MYMX: variants seen among roughly 807,000 people sequenced by gnomAD.
MYMX encodes myomixer, myoblast fusion factor.
the MYMX span, among the ~76,000 whole-genome samples, chr6:44,194,072 A>G: frequency 6.6e-6 from 1 of 152,206 alleles, no homozygotes; most frequent in Non-Finnish European, 1.5e-5. Context: ...CAGCTCTTTA[A>G]AAAGAACTAT....
chr6:44,205,486 CTA>C, the MYMX span, among the ~76,000 whole-genome samples: 1 of 151,368 alleles, frequency 6.6e-6, no homozygotes, highest in African/African-American at 2.4e-5. Flanking sequence ...TGGAAAAACC[CTA>C]TCTCTACCAA....
In MYMX at chr6:44,217,734, A is replaced by G. The variant is rs1775960770; in HGVS notation, c.*8A>G. On this transcript the variant is annotated 3_prime_UTR_variant, in exon 2 of 2. Transcript: ENST00000573382. ...TTAGGCCCCCAAAAGTGAGGCCACA[A>G]GTCCTGGCAGCAGCTGTATCCACAA... 3 of 401,032 alleles carry G rather than the reference A, an allele frequency of 7.5e-6. No individual in the cohort carries two copies. Among genetic ancestry groups the G allele is most frequent in the Non-Finnish European group, 1.3e-5 (3 of 226,404 alleles). The allele number at this position is 401,032 out of a possible 1,614,324, so 24.8% of individuals were successfully genotyped here. A position where few individuals can be genotyped will look rare whatever the true frequency, so the allele number is the denominator to read the frequency against.
At position 44,217,491 on chromosome 6, in the gene MYMX, C is replaced by T. The variant is rs1299760290; in HGVS notation, c.20C>T (p.Pro7Leu). The T allele has an allele frequency of 1.0e-4, 41 of 404,336 alleles. No homozygotes were observed. Among genetic ancestry groups the T allele is most frequent in the Admixed American group, 1.8e-4 (4 of 22,762 alleles). 25.0% of individuals were successfully genotyped at this position (404,336 alleles called of 1,614,324 possible). Residue 7 changes from proline (P) to leucine (L), a missense_variant, in exon 2 of 2, where the codon CCG becomes CTG. By Grantham distance (98) the Pro-to-Leu change is moderately conservative. Coordinates refer to ENST00000573382, the MANE Select transcript of MYMX (RefSeq NM_001315494.2). MPTPLL[P>L]LLLRLLLSCL... ...CCTGCCATGCCCACGCCACTGCTCC[C>T]GCTGCTGCTTCGATTGCTGCTGTCC... is the stretch of plus-strand genomic sequence containing the variant.
the MYMX span, among the ~76,000 whole-genome samples, chr6:44,206,007 A>C: frequency 1.4e-5 from 2 of 143,692 alleles, no homozygotes; most frequent in East Asian, 2.0e-4. Flanking sequence ...ACAAAAAAAA[A>C]CCTCATTTTT....
the MYMX span, among the ~76,000 whole-genome samples, chr6:44,200,863 T>TG: frequency 4.0e-5 from 6 of 151,034 alleles, no homozygotes; most frequent in Admixed American, 4.0e-4. Flanking sequence ...GAGTGGGGGG[T>TG]GGGGGGCAGT....
chr6:44,217,253 T>G (rs1775929304), intron 1 of MYMX, among the ~76,000 whole-genome samples, 197 bp from the exon 2 acceptor site: 2 of 152,006 alleles, frequency 1.3e-5, no homozygotes. Context: ...TCCCCATCTG[T>G]GCTATGGTGA....
the MYMX span, among the ~76,000 whole-genome samples, chr6:44,198,518 T>G: frequency 6.6e-6 from 1 of 151,530 alleles, no homozygotes; most frequent in Non-Finnish European, 1.5e-5. Flanking sequence ...TATTTACTTA[T>G]TTATTTTTTT....
chr6:44,194,587 C>G, the MYMX span, among the ~76,000 whole-genome samples: 22 of 152,332 alleles, frequency 1.4e-4, no homozygotes, highest in South Asian at 2.1e-3. Flanking sequence ...AAAGAGCCAA[C>G]TCCTGCCTAC....
the MYMX span, among the ~76,000 whole-genome samples, chr6:44,202,577 C>T: frequency 3.9e-5 from 6 of 152,162 alleles, no homozygotes; most frequent in Non-Finnish European, 8.8e-5. Context: ...GAAACTGCTC[C>T]CTGGCGGCTT....
At chr6:44,194,874 CAT>C in the MYMX span, among the ~76,000 whole-genome samples, 67 of 152,152 alleles carry the variant, frequency 4.4e-4, no homozygotes, top group African/African-American at 1.5e-3. Flanking sequence ...TGTTTCACAC[CAT>C]GTTACATAGA....
At chr6:44,202,885 C>G in the MYMX span, among the ~76,000 whole-genome samples, 13 of 152,334 alleles carry the variant, frequency 8.5e-5, no homozygotes, top group South Asian at 2.7e-3. Flanking sequence ...TTTCCTTTAC[C>G]TGCCTCATCA....
chr6:44,198,410 C>G, the MYMX span, among the ~76,000 whole-genome samples: 1 of 151,992 alleles, frequency 6.6e-6, no homozygotes, highest in African/African-American at 2.4e-5. Flanking sequence ...CGTGATCTAC[C>G]CGCCTCGGCC....
the MYMX span, among the ~76,000 whole-genome samples, chr6:44,194,844 C>T: frequency 1.3e-5 from 2 of 152,140 alleles, no homozygotes; most frequent in African/African-American, 2.4e-5. Flanking sequence ...AAGACTGCAG[C>T]GGTTAGGGAG....
chr6:44,195,339 G>T, the MYMX span, among the ~76,000 whole-genome samples: 258 of 152,122 alleles, frequency 1.7e-3, 4 homozygotes, highest in Non-Finnish European at 2.3e-3. Context: ...TTTTTTAAAG[G>T]AATAACACAT....
chr6:44,197,285 C>T, the MYMX span, among the ~76,000 whole-genome samples: 1,765 of 152,060 alleles, frequency 0.012, 29 homozygotes, highest in African/African-American at 0.039. Flanking sequence ...GTAATTCCAG[C>T]ACTTTGGGAG....
upstream of MYMX, among the ~76,000 whole-genome samples, chr6:44,215,777 C>T (rs1582910166): frequency 6.6e-6 from 1 of 151,210 alleles, no homozygotes; most frequent in Non-Finnish European, 1.5e-5. Flanking sequence ...TGCCTGTAAT[C>T]CCAGCTATTC....
At chr6:44,195,023 T>C in the MYMX span, among the ~76,000 whole-genome samples, 10 of 152,044 alleles carry the variant, frequency 6.6e-5, no homozygotes, top group African/African-American at 2.4e-4. Context: ...TTATTTATTA[T>C]TATTATTTTT....
chr6:44,201,572 C>A, the MYMX span, among the ~76,000 whole-genome samples: 3 of 152,188 alleles, frequency 2.0e-5, no homozygotes, highest in Admixed American at 1.3e-4. Flanking sequence ...CGCAGGCCTC[C>A]CTTGATTCTT....
the MYMX span, among the ~76,000 whole-genome samples, chr6:44,210,889 G>A: frequency 1.3e-5 from 2 of 152,204 alleles, no homozygotes; most frequent in Non-Finnish European, 2.9e-5. Flanking sequence ...AGCACTTTGG[G>A]AGGCTGAAGC....
Sources: gnomAD v4.1 joint callset for allele counts (sites outside exome capture counted in the v4.1 genomes callset) on GRCh38, gnomAD v4.1.1 for gene constraint, MANE v1.5 for transcripts, NCBI Gene and HGNC (gene_info 2026-07-23, HGNC 2026-07-21) for gene names.